Variants in ITPR2 observed in about 807,000 individuals in gnomAD.
ITPR2 encodes inositol 1,4,5-trisphosphate-gated calcium channel ITPR2.
ITPR2 carries 207 observed loss-of-function variants against 317.1 expected under a neutral mutation model. The ratio of observed to expected loss-of-function variants is 0.65; its 90% CI spans 0.58 to 0.73. The LOEUF (loss-of-function observed/expected upper bound fraction) is 0.73. Among genes scored for constraint, ITPR2 ranks in the 30% least tolerant of loss-of-function variants. The pLI, the probability that ITPR2 is intolerant of heterozygous loss-of-function variation, is 0.00. For missense variants in ITPR2, 2,613 were observed against 3,284.0 expected (o/e 0.80, Z 4.99); for synonymous variants, 1,156 against 1,149.1 (o/e 1.01, Z -0.12).
intron 43 of ITPR2, among the ~76,000 whole-genome samples, chr12:26,480,863 T>C (rs1437708394): frequency 2.2e-5 from 3 of 139,510 alleles, no homozygotes; most frequent in Non-Finnish European, 4.7e-5. Flanking sequence ...AAAAATAAAA[T>C]AAAAAATAAA....
chr12:26,341,580 A>C (rs561487911), intron 55 of ITPR2, among the ~76,000 whole-genome samples: 1 of 152,376 alleles, frequency 6.6e-6, no homozygotes, highest in South Asian at 2.1e-4. Context: ...AGGGATGATA[A>C]AGAACTAAAG....
At chr12:26,693,980 T>G (rs973043033) in intron 10 of ITPR2, among the ~76,000 whole-genome samples, 3 of 152,198 alleles carry the variant, frequency 2.0e-5, no homozygotes, top group Non-Finnish European at 2.9e-5. Flanking sequence ...GCTATCTCAC[T>G]TGTCCAAGGC....
intron 34 of ITPR2, among the ~76,000 whole-genome samples, chr12:26,568,736 T>C (rs1179963186): frequency 6.6e-6 from 1 of 152,186 alleles, no homozygotes; most frequent in Non-Finnish European, 1.5e-5. Context: ...TGTCAAGTTC[T>C]ACTGTATAGC....
chr12:26,490,305 C>T (rs1256293393), intron 39 of ITPR2, among the ~76,000 whole-genome samples: 1 of 152,140 alleles, frequency 6.6e-6, no homozygotes, highest in African/African-American at 2.4e-5. Flanking sequence ...GGAATGGACA[C>T]CAAATGTCCC....
At chr12:26,401,814 G>A (rs1007553707) in intron 52 of ITPR2, among the ~76,000 whole-genome samples, 1 of 152,158 alleles carries the variant, frequency 6.6e-6, no homozygotes, top group African/African-American at 2.4e-5. Context: ...AACATTCTAT[G>A]GATAAGGGAT....
At chr12:26,422,133 AATT>A (rs1417679793) in intron 49 of ITPR2, among the ~76,000 whole-genome samples, 26 of 150,340 alleles carry the variant, frequency 1.7e-4, no homozygotes, top group Non-Finnish European at 3.7e-4. Context: ...ATTATTTACT[AATT>A]ATTTACTAAA....
At chr12:26,481,859 T>G (rs182939823) in intron 42 of ITPR2, among the ~76,000 whole-genome samples, 186 of 152,272 alleles carry the variant, frequency 1.2e-3, no homozygotes, top group Non-Finnish European at 1.6e-3. Context: ...TAAACTTACA[T>G]GAGGGAATCT....
intron 2 of ITPR2, among the ~76,000 whole-genome samples, chr12:26,748,622 C>CTGT (rs1949365666): frequency 6.6e-6 from 1 of 152,092 alleles, no homozygotes; most frequent in Admixed American, 6.6e-5. Context: ...CACTGGGTGT[C>CTGT]TCATTTTTCA....
At chr12:26,508,966 A>T (rs921978778) in intron 37 of ITPR2, among the ~76,000 whole-genome samples, 1 of 152,254 alleles carries the variant, frequency 6.6e-6, no homozygotes, top group African/African-American at 2.4e-5. Context: ...GGCATGATCC[A>T]TAATAGTAGA....
chr12:26,655,367 C>T lies in ITPR2; in HGVS notation c.2589+341G>A, dbSNP rs370863751. 6.6e-5 allele frequency among the ~76,000 whole-genome samples: 10 copies of T among 152,262 alleles called. No individual in the cohort carries two copies. The South Asian group carries it at 1.9e-3, about 28-fold the overall frequency. On this transcript the variant is annotated intron_variant, in intron 20 of 56. Transcript: ENST00000381340. ...TGGTGGCTCACACCTGTAATCCCAG[C>T]ACTTTGGGAGGCCGGGGCAGGTGGA...
chr12:26,578,763 G>A lies in ITPR2; in HGVS notation c.4580C>T (p.Pro1527Leu), dbSNP rs1565616617. 1 of 1,611,542 alleles carries A rather than the reference G, an allele frequency of 6.2e-7. No homozygotes were observed. Among genetic ancestry groups the A allele is most frequent in the Admixed American group, 1.7e-5 (1 of 60,000 alleles). Reference sequence around the variant, plus strand: ...GGATTCCACTGAGGCTTTCTGCGCTGGGTTTGGCCAGGTGCAATTGTAAAT... The same window carrying A: ...GGATTCCACTGAGGCTTTCTGCGCTAGGTTTGGCCAGGTGCAATTGTAAAT... ...FRIYNCTWPN[P>L]AQKASVESCI... Residue 1527 changes from proline to leucine, a missense_variant, in exon 34 of 57, where the codon CCA (proline) becomes CTA (leucine). By Grantham distance (98) the Pro-to-Leu change is moderately conservative. Around this residue, in one of 9 missense-constraint regions of ITPR2, gnomAD observed 926 missense variants for 1,072.8 expected, o/e 0.86. Coordinates refer to ENST00000381340, the MANE Select transcript of ITPR2 (RefSeq NM_002223.4).
chr12:26,708,352 T>A (rs1948592720), intron 9 of ITPR2, among the ~76,000 whole-genome samples: 1 of 152,154 alleles, frequency 6.6e-6, no homozygotes, highest in Non-Finnish European at 1.5e-5. Context: ...AACCTAAGTA[T>A]ACATCAACAG....
intron 37 of ITPR2, among the ~76,000 whole-genome samples, chr12:26,517,301 A>G (rs1463702907): frequency 1.3e-5 from 2 of 152,248 alleles, no homozygotes; most frequent in African/African-American, 4.8e-5. Flanking sequence ...TCTGCATCCA[A>G]TGAAAGTATA....
chr12:26,816,968 A>G (rs1950866536), intron 1 of ITPR2, among the ~76,000 whole-genome samples: 1 of 152,072 alleles, frequency 6.6e-6, no homozygotes, highest in Non-Finnish European at 1.5e-5. Flanking sequence ...TCACGAGGTC[A>G]GGAGATCAAG....
chr12:26,391,552 TTTC>T (rs1410395949), intron 54 of ITPR2, among the ~76,000 whole-genome samples: 4 of 63,574 alleles, frequency 6.3e-5, no homozygotes, highest in African/African-American at 2.5e-4. Flanking sequence ...TTCTTCTTCT[TTTC>T]CTTTTTTTTT....
chr12:26,693,062 A>T (rs1168468434), intron 10 of ITPR2, among the ~76,000 whole-genome samples: 2 of 152,214 alleles, frequency 1.3e-5, no homozygotes, highest in Non-Finnish European at 1.5e-5. Flanking sequence ...ATGGCTCCAC[A>T]TTCTCAATTT....
At chr12:26,678,464 C>T (rs1194715584) in intron 13 of ITPR2, among the ~76,000 whole-genome samples, 1 of 151,672 alleles carries the variant, frequency 6.6e-6, no homozygotes, top group Non-Finnish European at 1.5e-5. Flanking sequence ...CTTTTTGAGA[C>T]AGATAATAAT....
intron 9 of ITPR2, among the ~76,000 whole-genome samples, chr12:26,710,378 T>A (rs955317549): frequency 6.6e-6 from 1 of 152,208 alleles, no homozygotes; most frequent in Non-Finnish European, 1.5e-5. Context: ...TGGAGTGTAG[T>A]GTGATTAATT....
chr12:26,739,556 A>G (rs1364359868), intron 2 of ITPR2, among the ~76,000 whole-genome samples: 2 of 152,190 alleles, frequency 1.3e-5, no homozygotes, highest in Admixed American at 1.3e-4. Context: ...GACACAAAAG[A>G]CTACACACCA....
Sources: gnomAD v4.1 joint callset for allele counts (sites outside exome capture counted in the v4.1 genomes callset) on GRCh38, gnomAD v4.1.1 for gene constraint, gnomAD v4.1.1 regional missense constraint, MANE v1.5 for transcripts, NCBI Gene and HGNC (gene_info 2026-07-23, HGNC 2026-07-21) for gene names.